Variants in ASB3 observed in about 807,000 individuals in gnomAD.
ASB3 encodes the protein ankyrin repeat and SOCS box protein 3.
ASB3 carries 41 observed loss-of-function variants against 54.5 expected under a neutral mutation model. That is an observed-to-expected ratio of 0.75 (90% CI 0.59 to 0.98). ASB3 has a LOEUF of 0.98. ASB3 is among the 50% of genes least tolerant of loss of function. The pLI is 0.00. For missense variants in ASB3, 733 were observed against 620.0 expected (o/e 1.18, Z -1.94); for synonymous variants, 266 against 221.2 (o/e 1.20, Z -1.80).
intron 7 of ASB3, among the ~76,000 whole-genome samples, chr2:53,713,220 C>T (rs1010192586): frequency 1.3e-5 from 2 of 152,118 alleles, no homozygotes; most frequent in African/African-American, 4.8e-5. Flanking sequence ...ACTAATTTTA[C>T]ATGGCAAATG....
intron 2 of ASB3, 131 bp from the exon 3 acceptor site, chr2:53,751,072 T>C: frequency 8.9e-7 from 1 of 1,121,608 alleles, no homozygotes; most frequent in South Asian, 3.6e-5. Context: ...GGTTTCACCA[T>C]TTAAAACTAT....
chr2:53,740,107 G>A (rs1290699091), intron 3 of ASB3, among the ~76,000 whole-genome samples: 3 of 152,138 alleles, frequency 2.0e-5, no homozygotes, highest in Non-Finnish European at 4.4e-5. Context: ...TGGCTATGCA[G>A]AAATCATCTA....
At position 53,714,490 on chromosome 2, in the gene ASB3, G is replaced by T. The variant is rs140542236; in HGVS notation, c.874C>A (p.His292Asn). The T allele has an allele frequency of 3.1e-6, 5 of 1,614,210 alleles. No individual in the cohort carries two copies. Among genetic ancestry groups the T allele is most frequent in the Non-Finnish European group, 4.2e-6 (5 of 1,180,032 alleles). Reference protein sequence around the residue: ...SPVYSAVFGGHEDCLEILLRN... With the variant: ...SPVYSAVFGGNEDCLEILLRN... ...AGTAATATTTCTAGGCAATCTTCAT[G>T]TCCCCCAAACACTGCTGAGTAAACA... Residue 292 changes from histidine (H) to asparagine (N), a missense_variant, in exon 7 of 10, where the codon CAT (histidine) becomes AAT (asparagine). By Grantham distance (68) the His-to-Asn change is moderately conservative (BLOSUM62 1). Coordinates refer to ENST00000263634, the MANE Select transcript of ASB3 (RefSeq NM_016115.5).
intron 9 of ASB3, among the ~76,000 whole-genome samples, chr2:53,671,057 A>G (rs1667785763): frequency 1.3e-5 from 2 of 152,222 alleles, no homozygotes; most frequent in Admixed American, 6.5e-5. Flanking sequence ...TTCATTACAA[A>G]TGGTTTCCAG....
chr2:53,678,089 TAC>T (rs1668177520), intron 9 of ASB3, among the ~76,000 whole-genome samples: 1 of 152,188 alleles, frequency 6.6e-6, no homozygotes, highest in Non-Finnish European at 1.5e-5. Flanking sequence ...AAGTGATTAC[TAC>T]AGTCAAACAA....
chr2:53,771,901 A>G (rs759156587), intron 1 of ASB3: 3 of 1,560,110 alleles, frequency 1.9e-6, no homozygotes, highest in East Asian at 4.6e-5. Context: ...TACCTTTTTA[A>G]AACAGCCTGG....
chr2:53,720,767 A>C (rs1325521130), intron 5 of ASB3, among the ~76,000 whole-genome samples: 1 of 152,156 alleles, frequency 6.6e-6, no homozygotes, highest in African/African-American at 2.4e-5. Context: ...CCACTCATCA[A>C]CCACAGAATA....
chr2:53,768,376 T>C, intron 1 of ASB3: 1 of 201,572 alleles, frequency 5.0e-6, no homozygotes. Flanking sequence ...TGAATGCTCA[T>C]GTCACCACAG....
intron 3 of ASB3, among the ~76,000 whole-genome samples, chr2:53,736,425 G>A: frequency 6.6e-6 from 1 of 152,186 alleles, no homozygotes; most frequent in East Asian, 1.9e-4. Flanking sequence ...GAGGCCAGGT[G>A]CGGTGGCTCA....
intron 2 of ASB3, among the ~76,000 whole-genome samples, chr2:53,755,098 A>AT (rs1377710491): frequency 6.6e-6 from 1 of 152,192 alleles, no homozygotes; most frequent in African/African-American, 2.4e-5. Context: ...TTCTCAACTT[A>AT]TTGAAACTTT....
Position 53,719,454 on chromosome 2 carries a change from A to T in ASB3, c.605-2711T>A, listed in dbSNP as rs554867149. On this transcript the variant is annotated intron_variant, in intron 5 of 9. Coordinates refer to ENST00000263634, the MANE Select transcript of ASB3 (RefSeq NM_016115.5). ...AAGATCAGCATGATCATAAACAAAA[A>T]AAGCATCTCCGACCAGGAACATGCC... Among the ~76,000 whole-genome samples the T allele has an allele frequency of 4.6e-5, 7 of 152,318 alleles. No individual in the cohort carries two copies. In the South Asian group the frequency reaches 1.4e-3, roughly 32 times the overall value.
rs114812683 is a variant in ASB3, at chr2:53,765,936, G to A, written c.-13-351C>T. Among the ~76,000 whole-genome samples the A allele has an allele frequency of 4.8e-3, 579 of 119,836 alleles. 1 individual carries two copies. The highest frequency in any genetic ancestry group is 0.014 in the African/African-American group (536 of 38,300). The allele number at this position is 119,836 out of a possible 152,430, so 78.6% of individuals were successfully genotyped here. A position where few individuals can be genotyped will look rare whatever the true frequency, so the allele number is the denominator to read the frequency against. On this transcript the variant is annotated intron_variant, in intron 1 of 9. Transcript: ENST00000263634. ...TCCATTGATAAGAGCACCCTCTTTG[G>A]TGCTCCATTGATAAGAGCACCTCTG...
chr2:53,714,737 T>G (rs1005613271), intron 6 of ASB3, among the ~76,000 whole-genome samples, 156 bp from the exon 7 acceptor site: 1 of 152,184 alleles, frequency 6.6e-6, no homozygotes, highest in Non-Finnish European at 1.5e-5. Context: ...CATTAAACTA[T>G]TACATGCTAT....
chr2:53,731,604 T>C (rs72793674), intron 3 of ASB3, among the ~76,000 whole-genome samples: 35 of 152,250 alleles, frequency 2.3e-4, no homozygotes, highest in Non-Finnish European at 4.1e-4. Flanking sequence ...TAATTTGGGG[T>C]GGCTCTCAGG....
At chr2:53,700,746 GTAT>G (rs1230405998) in intron 7 of ASB3, among the ~76,000 whole-genome samples, 1 of 151,898 alleles carries the variant, frequency 6.6e-6, no homozygotes, top group Non-Finnish European at 1.5e-5. Flanking sequence ...CTGTGAACAG[GTAT>G]TATTATAATT....
chr2:53,770,628 C>G (rs1673837820), intron 1 of ASB3, among the ~76,000 whole-genome samples: 1 of 150,492 alleles, frequency 6.6e-6, no homozygotes, highest in African/African-American at 2.4e-5. Flanking sequence ...ACTGTTTTAT[C>G]AGTCTTTGAA....
chr2:53,714,164 T>G (rs1007480546), intron 7 of ASB3, among the ~76,000 whole-genome samples: 1 of 152,144 alleles, frequency 6.6e-6, no homozygotes, highest in African/African-American at 2.4e-5. Context: ...ACTAAAAATA[T>G]AATCCAGATC....
At chr2:53,734,923 T>C (rs1272658746) in intron 3 of ASB3, among the ~76,000 whole-genome samples, 2 of 149,598 alleles carry the variant, frequency 1.3e-5, no homozygotes, top group African/African-American at 4.9e-5. Context: ...TACAAGTTTT[T>C]TTTTTTTTTT....
chr2:53,714,517 G>T lies in ASB3; in HGVS notation c.847C>A (p.Pro283Thr). ...ACDTGLNKVS[P>T]VYSAVFGGHE... ...CCCCCAAACACTGCTGAGTAAACAG[G>T]GCTTACTTTGTTTAGCCCAGTGTCA... Residue 283 changes from proline (P) to threonine (T), a missense_variant, in exon 7 of 10, where the codon CCT becomes ACT. Pro to Thr is a conservative substitution (Grantham distance 38). Transcript: ENST00000263634. The T allele has an allele frequency of 6.2e-7, 1 of 1,614,114 alleles. No individual in the cohort carries two copies. The highest frequency in any genetic ancestry group is 8.5e-7 in the Non-Finnish European group (1 of 1,180,010).
Sources: allele counts gnomAD v4.1 joint callset (sites outside exome capture counted in the v4.1 genomes callset), GRCh38; gene constraint gnomAD v4.1.1; transcripts MANE v1.5; gene names NCBI Gene and HGNC (gene_info 2026-07-23, HGNC 2026-07-21).